SLC24A2: variants seen among roughly 807,000 people sequenced by gnomAD.
SLC24A2 encodes the protein solute carrier family 24 member 2.
SLC24A2 carries 36 observed loss-of-function variants against 62.0 expected under a neutral mutation model. The observed-to-expected ratio is 0.58, with a 90% CI of 0.44 to 0.77. The LOEUF (loss-of-function observed/expected upper bound fraction) is 0.77, where lower values mean the gene tolerates loss of function less well. Ranked by LOEUF, SLC24A2 falls within the 30% of genes least tolerant of loss-of-function variation. The probability of loss-of-function intolerance (pLI) is 0.00; values close to 1 mark genes in which losing one functional copy is unlikely to be tolerated. For synonymous variants in SLC24A2, 358 were observed against 294.0 expected, an observed-to-expected ratio of 1.22 and a Z score of -2.23; for missense variants, 846 against 817.9, an observed-to-expected ratio of 1.03 and a Z score of -0.42.
chr9:19,530,741 C>A (rs753747274), intron 8 of SLC24A2, among the ~76,000 whole-genome samples: 3 of 152,126 alleles, frequency 2.0e-5, no homozygotes, highest in African/African-American at 7.2e-5. Flanking sequence ...TAATGGGCAT[C>A]GAACCATACC....
the SLC24A2 span, among the ~76,000 whole-genome samples, chr9:19,799,828 A>G: frequency 2.0e-5 from 3 of 152,118 alleles, no homozygotes; most frequent in Admixed American, 6.5e-5. Context: ...TTTAATTGGC[A>G]TATTCATTTC....
the SLC24A2 span, among the ~76,000 whole-genome samples, chr9:20,172,856 G>A: frequency 6.6e-6 from 1 of 151,902 alleles, no homozygotes; most frequent in Non-Finnish European, 1.5e-5. Context: ...TGTGAAGCCT[G>A]TATCACTTTA....
chr9:19,606,682 T>G (rs549307770), intron 4 of SLC24A2, among the ~76,000 whole-genome samples: 1 of 152,330 alleles, frequency 6.6e-6, no homozygotes, highest in East Asian at 1.9e-4. Context: ...TAAACAAGTC[T>G]GATATAGACC....
the SLC24A2 span, among the ~76,000 whole-genome samples, chr9:20,295,615 A>G: frequency 6.6e-6 from 1 of 150,710 alleles, no homozygotes; most frequent in South Asian, 2.1e-4. Context: ...ACAGATACAG[A>G]AGGTGAACTG....
chr9:19,692,899 C>T (rs1273565863), intron 2 of SLC24A2, among the ~76,000 whole-genome samples: 4 of 152,134 alleles, frequency 2.6e-5, no homozygotes, highest in South Asian at 2.1e-4. Context: ...TCAAGCTTTA[C>T]TCATCAGCTT....
At chr9:19,537,219 TG>T (rs1473129461) in intron 8 of SLC24A2, among the ~76,000 whole-genome samples, 1 of 144,950 alleles carries the variant, frequency 6.9e-6, no homozygotes, top group East Asian at 2.1e-4. Context: ...AGATCCCATT[TG>T]TCAATTTTGT....
chr9:19,550,125 T>G lies in SLC24A2; in HGVS notation c.1479+12A>C, dbSNP rs1306712560. On this transcript the variant is annotated intron_variant, in intron 8 of 10. Coordinates refer to ENST00000341998, the MANE Select transcript of SLC24A2 (RefSeq NM_020344.4). ...TTTTACAAGGGAACTATTTTTAAAA[T>G]GCTTTACTTACAGGTTTGCGAACGT... The G allele has an allele frequency of 1.2e-6, 2 of 1,612,998 alleles. No homozygotes were observed. The highest frequency in any genetic ancestry group is 2.7e-5 in the African/African-American group (2 of 74,888).
At chr9:20,166,257 A>G in the SLC24A2 span, among the ~76,000 whole-genome samples, 1 of 151,992 alleles carries the variant, frequency 6.6e-6, no homozygotes, top group African/African-American at 2.4e-5. Context: ...CCAACTCTAT[A>G]AATCTATCTT....
the SLC24A2 span, among the ~76,000 whole-genome samples, chr9:19,797,449 A>G: frequency 6.6e-6 from 1 of 152,210 alleles, no homozygotes; most frequent in Non-Finnish European, 1.5e-5. Context: ...GTTAATAATT[A>G]CGAATCAGGC....
At chr9:20,272,879 G>A in the SLC24A2 span, among the ~76,000 whole-genome samples, 1 of 152,160 alleles carries the variant, frequency 6.6e-6, no homozygotes, top group African/African-American at 2.4e-5. Flanking sequence ...ATTCCCCAAG[G>A]AGCCCAGTGG....
chr9:19,951,902 G>A, the SLC24A2 span, among the ~76,000 whole-genome samples: 1 of 152,144 alleles, frequency 6.6e-6, no homozygotes, highest in Non-Finnish European at 1.5e-5. Context: ...GGGTTACAAT[G>A]AATCTATGGA....
At chr9:20,250,887 C>A in the SLC24A2 span, among the ~76,000 whole-genome samples, 2 of 152,172 alleles carry the variant, frequency 1.3e-5, no homozygotes, top group Non-Finnish European at 2.9e-5. Context: ...TTCCCATTCT[C>A]TGAATTCTGA....
chr9:20,234,942 A>G, the SLC24A2 span, among the ~76,000 whole-genome samples: 1 of 152,140 alleles, frequency 6.6e-6, no homozygotes, highest in East Asian at 1.9e-4. Flanking sequence ...TTTCCTTCTA[A>G]CAGACAGGAC....
At chr9:20,263,654 A>G in the SLC24A2 span, among the ~76,000 whole-genome samples, 1 of 152,206 alleles carries the variant, frequency 6.6e-6, no homozygotes, top group Non-Finnish European at 1.5e-5. Flanking sequence ...CTGAATCACC[A>G]TGCACTACAT....
the SLC24A2 span, among the ~76,000 whole-genome samples, chr9:20,224,217 A>C: frequency 6.6e-6 from 1 of 152,100 alleles, no homozygotes; most frequent in Non-Finnish European, 1.5e-5. Flanking sequence ...AAAGCTCTAA[A>C]TATGACAAAT....
chr9:20,162,402 CACA>C, the SLC24A2 span, among the ~76,000 whole-genome samples: 34 of 151,982 alleles, frequency 2.2e-4, no homozygotes, highest in South Asian at 6.8e-3. Context: ...ACTCTTGAAA[CACA>C]TACACCCTCC....
the SLC24A2 span, among the ~76,000 whole-genome samples, chr9:19,961,987 T>C: frequency 1.2e-4 from 18 of 152,204 alleles, no homozygotes; most frequent in African/African-American, 4.1e-4. Context: ...TGAGATAATA[T>C]ATGTTGTTTT....
chr9:20,016,333 G>C, the SLC24A2 span, among the ~76,000 whole-genome samples: 2 of 152,150 alleles, frequency 1.3e-5, no homozygotes, highest in Admixed American at 1.3e-4. Context: ...CCAATTCTAA[G>C]GCTTAGATTA....
At chr9:20,276,225 A>G in the SLC24A2 span, among the ~76,000 whole-genome samples, 5 of 152,196 alleles carry the variant, frequency 3.3e-5, no homozygotes, top group Non-Finnish European at 5.9e-5. Flanking sequence ...AAGCAAGTTA[A>G]TTTCTTCCTA....
Sources: gnomAD v4.1 joint callset for allele counts (sites outside exome capture counted in the v4.1 genomes callset) on GRCh38, gnomAD v4.1.1 for gene constraint, MANE v1.5 for transcripts, NCBI Gene and HGNC (gene_info 2026-07-23, HGNC 2026-07-21) for gene names.